EIF2S1: variants seen among roughly 807,000 people sequenced by gnomAD.
EIF2S1 encodes eukaryotic translation initiation factor 2 subunit alpha, also known as eukaryotic translation initiation factor 2 subunit 1.
A neutral mutation model predicts 33.5 loss-of-function variants in EIF2S1; 5 were observed. The observed-to-expected ratio is 0.15, with a 90% confidence interval of 0.08 to 0.31. The LOEUF is 0.31. EIF2S1 is among the 10% of genes least tolerant of loss of function. EIF2S1 has a pLI of 1.00. For synonymous variants in EIF2S1, 99 were observed against 127.5 expected, an observed-to-expected ratio of 0.78 and a Z score of 1.51; for missense variants, 191 against 384.6, an observed-to-expected ratio of 0.50 and a Z score of 4.21.
intron 2 of EIF2S1, among the ~76,000 whole-genome samples, chr14:67,368,238 C>G (rs956831974): frequency 6.6e-6 from 1 of 152,126 alleles, no homozygotes; most frequent in Non-Finnish European, 1.5e-5. Flanking sequence ...AGTTTGAATG[C>G]TTTTGGCGGG....
chr14:67,385,999 T>A lies in EIF2S1; in HGVS notation c.*2559T>A, dbSNP rs2085921520. On this transcript the variant is annotated 3_prime_UTR_variant, in exon 8 of 8. Transcript: ENST00000256383. The stretch of plus-strand genomic sequence containing the variant: ...CAGTACCTTGCCGAGACTTGTTCAC[T>A]GATTTGCCCCAACCCCAAGGTAATG... 1 of 152,232 alleles carries A rather than the reference T, an allele frequency of 6.6e-6. No homozygotes were observed. The highest frequency in any genetic ancestry group is 2.1e-4 in the South Asian group (1 of 4,830). 9.4% of individuals were successfully genotyped at this position (152,232 alleles called of 1,614,324 possible).
At chr14:67,367,758 C>T (rs1190472369) in intron 2 of EIF2S1, among the ~76,000 whole-genome samples, 1 of 151,782 alleles carries the variant, frequency 6.6e-6, no homozygotes, top group Non-Finnish European at 1.5e-5. Context: ...ATGGTTTGAG[C>T]CCAGGAGGCG....
chr14:67,376,650 T>C (rs149103716), intron 4 of EIF2S1, 60 bp downstream of exon 4: 1 of 1,549,748 alleles, frequency 6.5e-7, no homozygotes, highest in African/African-American at 1.4e-5. Flanking sequence ...GCCTGATATT[T>C]AACAGCATAG....
At chr14:67,361,091 C>T (rs2085734882) in intron 1 of EIF2S1, among the ~76,000 whole-genome samples, 2 of 152,152 alleles carry the variant, frequency 1.3e-5, no homozygotes, top group Admixed American at 6.5e-5. Context: ...CTGTGTTAAG[C>T]ATATGTTAGG....
chr14:67,376,694 T>A (rs1264396245), intron 4 of EIF2S1, 104 bp downstream of exon 4: 3 of 1,295,834 alleles, frequency 2.3e-6, no homozygotes, highest in Non-Finnish European at 3.2e-6. Flanking sequence ...AAATTTAGAT[T>A]AAAATATTTT....
intron 1 of EIF2S1, among the ~76,000 whole-genome samples, chr14:67,361,630 A>G (rs1310332676): frequency 2.6e-5 from 4 of 152,262 alleles, no homozygotes; most frequent in Non-Finnish European, 1.5e-5. Flanking sequence ...GTTTTGAGAA[A>G]GAAGTCCTAC....
intron 2 of EIF2S1, among the ~76,000 whole-genome samples, chr14:67,372,838 CAAAA>C (rs1277597413): frequency 1.4e-5 from 2 of 146,634 alleles, no homozygotes; most frequent in East Asian, 2.0e-4. Flanking sequence ...AAAAAAAAAA[CAAAA>C]AACAAACAAA....
In EIF2S1 at chr14:67,376,545, A is replaced by G. The variant is rs757928764; in HGVS notation, c.428A>G (p.Lys143Arg). The G allele has an allele frequency of 1.6e-5, 26 of 1,613,990 alleles. No individual in the cohort carries two copies. Among genetic ancestry groups the G allele is most frequent in the African/African-American group, 2.7e-5 (2 of 75,048 alleles). ...GCCTGGGTCTTTGATGACAAGTACA[A>G]GAGACCTGGATATGGTGCCTATGAT... The part of the protein sequence containing the change: ...RTAWVFDDKY[K>R]RPGYGAYDAF... Residue 143 changes from lysine to arginine, a missense_variant, in exon 4 of 8, where the codon AAG becomes AGG. Physicochemically the swap from Lys to Arg is conservative, Grantham distance 26. Coordinates refer to ENST00000256383, the MANE Select transcript of EIF2S1 (RefSeq NM_004094.5).
chr14:67,366,465 C>T (rs947771386), intron 2 of EIF2S1, among the ~76,000 whole-genome samples: 23 of 152,150 alleles, frequency 1.5e-4, no homozygotes, highest in African/African-American at 5.6e-4. Context: ...TACTTGCTTA[C>T]GTACAGTAGA....
intron 1 of EIF2S1, chr14:67,364,299 G>T (rs1430848413): frequency 6.6e-6 from 1 of 152,266 alleles, no homozygotes; most frequent in Non-Finnish European, 1.5e-5. Flanking sequence ...TGGTATATTG[G>T]TTAGGGTTTA....
intron 1 of EIF2S1, among the ~76,000 whole-genome samples, chr14:67,363,717 G>C (rs533621950): frequency 6.6e-6 from 1 of 152,192 alleles, no homozygotes; most frequent in East Asian, 1.9e-4. Context: ...TCTGTAGGTA[G>C]TGGAAAGATA....
At position 67,384,362 on chromosome 14, in the gene EIF2S1, C is replaced by T. The variant is rs1405952263; in HGVS notation, c.*922C>T. 1 of 144,092 alleles carries T rather than the reference C, an allele frequency of 6.9e-6. No individual in the cohort carries two copies. Among genetic ancestry groups the T allele is most frequent in the Admixed American group, 7.1e-5 (1 of 14,066 alleles). The allele number at this position is 144,092 out of a possible 1,614,324, so 8.9% of individuals were successfully genotyped here. ...AAACAGGGATCTGTTTGAACACTTA[C>T]TGTTGTTTTTTTTTTTTTACATGTT... On this transcript the variant is annotated 3_prime_UTR_variant, in exon 8 of 8. Transcript: ENST00000256383.
intron 2 of EIF2S1, 24 bp from the exon 3 acceptor site, chr14:67,374,443 AT>A (rs1475633892): frequency 5.3e-6 from 8 of 1,519,674 alleles, no homozygotes; most frequent in Non-Finnish European, 7.2e-6. Flanking sequence ...GACAGAGATG[AT>A]TTTTTCACAA....
chr14:67,366,946 CT>C (rs2085783421), intron 2 of EIF2S1, among the ~76,000 whole-genome samples: 1 of 151,900 alleles, frequency 6.6e-6, no homozygotes, highest in African/African-American at 2.4e-5. Context: ...GTCTTATTGG[CT>C]TTAGAACTGG....
chr14:67,376,002 A>G (rs954353707), intron 3 of EIF2S1, among the ~76,000 whole-genome samples: 4 of 152,308 alleles, frequency 2.6e-5, no homozygotes, highest in African/African-American at 9.6e-5. Flanking sequence ...CACCCTGTTA[A>G]TTTTAGGAGG....
At chr14:67,368,191 A>G (rs1391902903) in intron 2 of EIF2S1, among the ~76,000 whole-genome samples, 1 of 152,190 alleles carries the variant, frequency 6.6e-6, no homozygotes, top group Non-Finnish European at 1.5e-5. Context: ...CTGCAGGAAA[A>G]GCAAGGCAGA....
chr14:67,362,504 T>C (rs984803519), intron 1 of EIF2S1, among the ~76,000 whole-genome samples: 1 of 152,234 alleles, frequency 6.6e-6, no homozygotes, highest in African/African-American at 2.4e-5. Context: ...TCAGTAAACC[T>C]GTGATGTACA....
chr14:67,382,177 C>T (rs2296560), intron 6 of EIF2S1, among the ~76,000 whole-genome samples: 23,540 of 151,720 alleles, frequency 0.16, 3,457 homozygotes, highest in East Asian at 0.42. Flanking sequence ...CAAAGATACA[C>T]GGAAATGATA....
chr14:67,373,742 A>G (rs949484457), intron 2 of EIF2S1, among the ~76,000 whole-genome samples: 4 of 152,142 alleles, frequency 2.6e-5, no homozygotes, highest in Non-Finnish European at 4.4e-5. Flanking sequence ...ATAATCTACC[A>G]TGCAGGATTG....
Sources: gnomAD v4.1 joint callset for allele counts (sites outside exome capture counted in the v4.1 genomes callset) on GRCh38, gnomAD v4.1.1 for gene constraint, MANE v1.5 for transcripts, NCBI Gene and HGNC (gene_info 2026-07-23, HGNC 2026-07-21) for gene names.